GPC6: variants seen among roughly 807,000 people sequenced by gnomAD.
GPC6 encodes the protein glypican-6.
Under a neutral mutation model 55.2 loss-of-function variants are expected in GPC6, and 14 were observed. That is an observed-to-expected ratio of 0.25 (90% CI 0.17 to 0.40). The LOEUF is 0.40. Among genes scored for constraint, GPC6 ranks in the 10% least tolerant of loss-of-function variants. The pLI is 1.00. For missense variants in GPC6, 641 were observed against 708.5 expected, an observed-to-expected ratio of 0.90 and a Z score of 1.08; for synonymous variants, 278 against 259.6, an observed-to-expected ratio of 1.07 and a Z score of -0.68.
At chr13:94,113,728 CA>C (rs1886328511) in intron 4 of GPC6, among the ~76,000 whole-genome samples, 1 of 151,948 alleles carries the variant, frequency 6.6e-6, no homozygotes, top group Non-Finnish European at 1.5e-5. Context: ...CTTTATTAAA[CA>C]GTGACTATAG....
At chr13:93,294,763 CTA>C (rs1353381904) in intron 1 of GPC6, among the ~76,000 whole-genome samples, 1 of 152,124 alleles carries the variant, frequency 6.6e-6, no homozygotes, top group Non-Finnish European at 1.5e-5. Flanking sequence ...TCTAATGTAA[CTA>C]TGAATGGTCA....
chr13:93,971,802 A>C (rs1016983108), intron 3 of GPC6, among the ~76,000 whole-genome samples: 5 of 152,344 alleles, frequency 3.3e-5, no homozygotes, highest in Middle Eastern at 3.4e-3. Flanking sequence ...AGCCAGAGGA[A>C]ACGACAGAAC....
intron 1 of GPC6, among the ~76,000 whole-genome samples, chr13:93,266,181 T>A (rs1877318410): frequency 6.6e-6 from 1 of 152,240 alleles, no homozygotes; most frequent in African/African-American, 2.4e-5. Context: ...GTTTTACTTT[T>A]TTCACCAAAG....
chr13:94,382,684 C>G, intron 7 of GPC6, 134 bp downstream of exon 7: 1 of 1,191,568 alleles, frequency 8.4e-7, no homozygotes. Flanking sequence ...CACTTAGCAA[C>G]AGCTGTTGAG....
chr13:94,062,974 A>T (rs1020206799), intron 4 of GPC6, among the ~76,000 whole-genome samples: 3 of 152,140 alleles, frequency 2.0e-5, no homozygotes, highest in African/African-American at 7.2e-5. Context: ...ATGCATGGGG[A>T]TGTTTTTCTT....
intron 1 of GPC6, among the ~76,000 whole-genome samples, chr13:93,496,651 A>T (rs1296325324): frequency 6.6e-6 from 1 of 152,224 alleles, no homozygotes; most frequent in African/African-American, 2.4e-5. Flanking sequence ...GTGGAGGAGC[A>T]TATAGACTTT....
chr13:93,471,052 A>G (rs1243171204), intron 1 of GPC6, among the ~76,000 whole-genome samples: 1 of 152,140 alleles, frequency 6.6e-6, no homozygotes, highest in African/African-American at 2.4e-5. Context: ...ATTTTTTAAA[A>G]ATCAGTTTTT....
At chr13:93,899,103 C>G (rs1413231980) in intron 3 of GPC6, among the ~76,000 whole-genome samples, 1 of 151,698 alleles carries the variant, frequency 6.6e-6, no homozygotes, top group Admixed American at 6.6e-5. Flanking sequence ...TTCATGACTT[C>G]TGGGCAACCA....
chr13:93,635,768 A>T (rs1016278255), intron 2 of GPC6, among the ~76,000 whole-genome samples: 5 of 152,184 alleles, frequency 3.3e-5, no homozygotes, highest in South Asian at 2.1e-4. Context: ...AGCACAGAAC[A>T]TATCTTTTCA....
chr13:93,514,726 G>A (rs1881117877), intron 1 of GPC6, among the ~76,000 whole-genome samples: 1 of 152,146 alleles, frequency 6.6e-6, no homozygotes, highest in Admixed American at 6.6e-5. Context: ...TCCAGATGGA[G>A]GCTTTAAAAG....
chr13:93,745,256 T>A (rs1884359842), intron 2 of GPC6, among the ~76,000 whole-genome samples: 1 of 152,158 alleles, frequency 6.6e-6, no homozygotes, highest in Non-Finnish European at 1.5e-5. Flanking sequence ...TTCTTCTTCC[T>A]GCTCTTTATA....
chr13:93,647,751 T>G (rs1004627598), intron 2 of GPC6, among the ~76,000 whole-genome samples: 1 of 152,174 alleles, frequency 6.6e-6, no homozygotes, highest in African/African-American at 2.4e-5. Flanking sequence ...ATTCACCATT[T>G]CAGTTCGCTC....
At chr13:93,225,923 T>C (rs1388858611), upstream of GPC6, among the ~76,000 whole-genome samples, 11 of 152,220 alleles carry the variant, frequency 7.2e-5, no homozygotes, top group Non-Finnish European at 1.6e-4. Flanking sequence ...CATTAAACTA[T>C]CTTAGTAGTT....
At chr13:93,373,560 G>A (rs914887629) in intron 1 of GPC6, among the ~76,000 whole-genome samples, 1 of 152,128 alleles carries the variant, frequency 6.6e-6, no homozygotes, top group East Asian at 1.9e-4. Flanking sequence ...TTGAATCCTT[G>A]AGAATACATC....
At chr13:93,439,735 G>A (rs553564384) in intron 1 of GPC6, among the ~76,000 whole-genome samples, 61 of 150,624 alleles carry the variant, frequency 4.0e-4, no homozygotes, top group African/African-American at 1.4e-3. Context: ...ACCAAGCTTC[G>A]GGTGTGTCTT....
rs559473523 is a variant in GPC6, at chr13:93,811,122, G to A, written c.320-19032G>A. 3.9e-5 allele frequency among the ~76,000 whole-genome samples: 6 copies of A among 152,312 alleles called. No homozygotes were observed. The South Asian group carries it at 1.2e-3, about 32-fold the overall frequency. ...TTATGGTGGATGGGCACAGATTCAG[G>A]AAACTGGGGAAAGGACAGTCACCCC... On this transcript the variant is annotated intron_variant, in intron 2 of 8. Transcript: ENST00000377047.
intron 1 of GPC6, among the ~76,000 whole-genome samples, chr13:93,481,882 T>G (rs1362632518): frequency 6.6e-6 from 1 of 152,154 alleles, no homozygotes; most frequent in South Asian, 2.1e-4. Flanking sequence ...TACAAGATCA[T>G]TTTTACTATT....
intron 4 of GPC6, among the ~76,000 whole-genome samples, chr13:94,276,929 A>G (rs1238262329): frequency 6.6e-6 from 1 of 152,050 alleles, no homozygotes; most frequent in Non-Finnish European, 1.5e-5. Flanking sequence ...TCATAGAATG[A>G]CATATTCCTT....
At chr13:94,278,775 A>G (rs914034668) in intron 4 of GPC6, among the ~76,000 whole-genome samples, 6 of 152,216 alleles carry the variant, frequency 3.9e-5, no homozygotes, top group African/African-American at 1.4e-4. Flanking sequence ...CTTGCATCCC[A>G]GGGATGAAGC....
Sources: gnomAD v4.1 joint callset for allele counts (sites outside exome capture counted in the v4.1 genomes callset) on GRCh38, gnomAD v4.1.1 for gene constraint, MANE v1.5 for transcripts, NCBI Gene and HGNC (gene_info 2026-07-23, HGNC 2026-07-21) for gene names.